CDIP1: variants seen among roughly 807,000 people sequenced by gnomAD.
CDIP1 encodes cell death inducing p53 target 1.
A neutral mutation model predicts 17.7 loss-of-function variants in CDIP1; 9 were observed. That is an observed-to-expected ratio of 0.51 (90% CI 0.31 to 0.89). The LOEUF is 0.89. CDIP1 is among the 40% of genes least tolerant of loss of function. The probability of loss-of-function intolerance (pLI) is 0.05; values close to 1 mark genes in which losing one functional copy is unlikely to be tolerated. For synonymous variants in CDIP1, 117 were observed against 109.5 expected (o/e 1.07, Z -0.43); for missense variants, 263 against 277.9 (o/e 0.95, Z 0.38).
At chr16:4,529,012 C>A (rs970466968) in intron 1 of CDIP1, among the ~76,000 whole-genome samples, 4 of 151,880 alleles carry the variant, frequency 2.6e-5, no homozygotes, top group Admixed American at 6.6e-5. Flanking sequence ...ATATACTACT[C>A]CTCATACTCC....
intron 1 of CDIP1, among the ~76,000 whole-genome samples, chr16:4,537,816 G>T (rs1300654205): frequency 6.6e-6 from 1 of 152,218 alleles, no homozygotes; most frequent in Non-Finnish European, 1.5e-5. Context: ...AACACCTGTT[G>T]AGAAGCCCCC....
chr16:4,522,946 G>A (rs767169587), intron 1 of CDIP1, among the ~76,000 whole-genome samples: 8 of 152,204 alleles, frequency 5.3e-5, no homozygotes, highest in Non-Finnish European at 1.0e-4. Flanking sequence ...AGGGCGGTGT[G>A]AGAATTAAGT....
At chr16:4,517,405 G>A (rs2058899447) in intron 1 of CDIP1, among the ~76,000 whole-genome samples, 1 of 152,134 alleles carries the variant, frequency 6.6e-6, no homozygotes, top group South Asian at 2.1e-4. Flanking sequence ...CCACCCTCCT[G>A]CCTGCACAGT....
intron 1 of CDIP1, among the ~76,000 whole-genome samples, chr16:4,518,099 T>C (rs893583162): frequency 4.6e-5 from 7 of 152,128 alleles, no homozygotes; most frequent in African/African-American, 1.7e-4. Flanking sequence ...AGCTGCACTG[T>C]GCTTGGTGAG....
intron 1 of CDIP1, among the ~76,000 whole-genome samples, chr16:4,534,570 C>G (rs2059087264): frequency 6.6e-6 from 1 of 152,186 alleles, no homozygotes; most frequent in Admixed American, 6.5e-5. Flanking sequence ...CTGGCCAAGT[C>G]CCACTGTGCT....
chr16:4,527,633 C>G (rs2059013597), intron 1 of CDIP1, among the ~76,000 whole-genome samples: 1 of 152,196 alleles, frequency 6.6e-6, no homozygotes, highest in African/African-American at 2.4e-5. Context: ...TACCTGTACA[C>G]TCTTATGGAC....
At chr16:4,530,581 G>A (rs1284538843) in intron 1 of CDIP1, among the ~76,000 whole-genome samples, 2 of 151,964 alleles carry the variant, frequency 1.3e-5, no homozygotes, top group African/African-American at 2.4e-5. Context: ...CCCACGAGGT[G>A]GAGCTTGCAG....
rs1442143532 is a variant in CDIP1 at position 4,511,576 on chromosome 16, TGTGAGCAGGCACAGCAACA to T, written c.*977_*995del. 1 of 152,284 alleles carries T rather than the reference TGTGAGCAGGCACAGCAACA, an allele frequency of 6.6e-6. No homozygotes were observed. Among genetic ancestry groups the T allele is most frequent in the African/African-American group, 2.4e-5 (1 of 41,406 alleles). The allele number at this position is 152,284 out of a possible 1,614,324, so 9.4% of individuals were successfully genotyped here. A position where few individuals can be genotyped will look rare whatever the true frequency, so the allele number is the denominator to read the frequency against. Reference sequence around the variant, plus strand: ...AGCCCAGTGTGCCTGCAGGAGCAGGTGTGAGCAGGCACAGCAACAGCCTGTCAGCTGGGGTGAGGGGCCC... The same window carrying T: ...AGCCCAGTGTGCCTGCAGGAGCAGGTGCCTGTCAGCTGGGGTGAGGGGCCC... On this transcript the variant is annotated 3_prime_UTR_variant, in exon 6 of 6. Coordinates refer to ENST00000567695, the MANE Select transcript of CDIP1 (RefSeq NM_013399.3).
chr16:4,513,193 CCCT>C lies in CDIP1; in HGVS notation c.242-132_242-130del. 1 of 977,294 alleles carries C rather than the reference CCCT, an allele frequency of 1.0e-6. No homozygotes were observed. Among genetic ancestry groups the C allele is most frequent in the Non-Finnish European group, 1.5e-6 (1 of 681,730 alleles). 60.5% of individuals were successfully genotyped at this position (977,294 alleles called of 1,614,324 possible). A position where few individuals can be genotyped will look rare whatever the true frequency, so the allele number is the denominator to read the frequency against. On this transcript the variant is annotated intron_variant, in intron 4 of 5. Coordinates refer to ENST00000567695, the MANE Select transcript of CDIP1 (RefSeq NM_013399.3). The surrounding 1 kb of genome is among the most constrained non-coding windows in gnomAD (Gnocchi z 4.1). ...AGGCTACGCCTCAGACCTCCTACCGCCCTCCTAACGGGCCAGTGGGAGGCCTTA... is the reference window on the plus strand; with the variant it reads ...AGGCTACGCCTCAGACCTCCTACCGCCCTAACGGGCCAGTGGGAGGCCTTA...
At chr16:4,523,930 C>A (rs952951531) in intron 1 of CDIP1, 1 of 152,278 alleles carries the variant, frequency 6.6e-6, no homozygotes, top group Admixed American at 6.5e-5. Flanking sequence ...ATGACAAGGC[C>A]AGCTGGACAG....
intron 1 of CDIP1, among the ~76,000 whole-genome samples, chr16:4,516,141 A>C (rs1445191044): frequency 6.6e-6 from 1 of 152,210 alleles, no homozygotes; most frequent in African/African-American, 2.4e-5. Context: ...CTCTGAAAAC[A>C]TGCTTGGTGA....
At chr16:4,519,529 C>T (rs998359636) in intron 1 of CDIP1, among the ~76,000 whole-genome samples, 1 of 152,218 alleles carries the variant, frequency 6.6e-6, no homozygotes, top group Non-Finnish European at 1.5e-5. Context: ...GTGCCTCTCC[C>T]CGCGGCCCTT....
intron 1 of CDIP1, among the ~76,000 whole-genome samples, chr16:4,536,977 C>A (rs748899160): frequency 3.2e-4 from 48 of 152,222 alleles, no homozygotes; most frequent in Middle Eastern, 3.4e-3. Flanking sequence ...AAAGCTCTTC[C>A]CTGGTTCTCC....
rs147371713 is a variant in CDIP1, at chr16:4,535,219, A to G, written c.-105+3483T>C. ...TTCAGACTTAATTAGCATTGATTGA[A>G]CAATTACATCTCAGGAAGACCCTCA... is the stretch of plus-strand genomic sequence containing the variant. On this transcript the variant is annotated intron_variant, in intron 1 of 5. Coordinates refer to ENST00000567695, the MANE Select transcript of CDIP1 (RefSeq NM_013399.3). 4.3e-3 allele frequency among the ~76,000 whole-genome samples: 652 copies of G among 152,226 alleles called. 3 individuals are homozygous for G. The highest frequency in any genetic ancestry group is 7.0e-3 in the Non-Finnish European group (478 of 68,006).
chr16:4,533,045 GA>G (rs1433300862), intron 1 of CDIP1: 1 of 152,184 alleles, frequency 6.6e-6, no homozygotes, highest in African/African-American at 2.4e-5. Context: ...ACCCTCCATG[GA>G]GGTCACTCAC....
rs540675095 is a variant in CDIP1 at position 4,515,973 on chromosome 16, C to G, written c.-104-1309G>C. 3.3e-5 allele frequency among the ~76,000 whole-genome samples: 5 copies of G among 152,278 alleles called. No individual in the cohort carries two copies. In the South Asian group the frequency reaches 1.0e-3, roughly 32 times the overall value. On this transcript the variant is annotated intron_variant, in intron 1 of 5. Coordinates refer to ENST00000567695, the MANE Select transcript of CDIP1 (RefSeq NM_013399.3). Reference sequence around the variant, plus strand: ...AAACCTGTCTACACAGAAATTTGTACACAAATGTTCACAGCAGCATGAATC... The same window carrying G: ...AAACCTGTCTACACAGAAATTTGTAGACAAATGTTCACAGCAGCATGAATC...
chr16:4,527,429 G>C (rs1386934950), intron 1 of CDIP1, among the ~76,000 whole-genome samples: 1 of 152,118 alleles, frequency 6.6e-6, no homozygotes, highest in Non-Finnish European at 1.5e-5. Context: ...AAGGCAGACA[G>C]GACTCAAAGA....
rs547402987 is a variant in CDIP1 at position 4,513,924 on chromosome 16, T to G, written c.86-73A>C. The G allele has an allele frequency of 2.7e-4, 385 of 1,449,686 alleles. No individual in the cohort carries two copies. Among genetic ancestry groups the G allele is most frequent in the South Asian group, 4.1e-4 (30 of 73,716 alleles). The allele number at this position is 1,449,686 out of a possible 1,614,324, so 89.8% of individuals were successfully genotyped here. On this transcript the variant is annotated intron_variant, in intron 3 of 5. Transcript: ENST00000567695. This position sits in a 1 kb window ranked among gnomAD's most constrained non-coding sequence, Gnocchi z 4.1. ...CGATGAGCTCGACCAGAGGCCACTG[T>G]TTTGGGACACAGATGGGGCCCAGGG...
At chr16:4,533,852 C>T (rs1021159892) in intron 1 of CDIP1, among the ~76,000 whole-genome samples, 13 of 152,144 alleles carry the variant, frequency 8.5e-5, no homozygotes, top group African/African-American at 3.1e-4. Context: ...TCCTGGGACT[C>T]TCCCACTTGT....
Sources: gnomAD v4.1 joint callset for allele counts (sites outside exome capture counted in the v4.1 genomes callset) on GRCh38, gnomAD v4.1.1 for gene constraint, Gnocchi (gnomAD v3.1) non-coding constraint, MANE v1.5 for transcripts, NCBI Gene and HGNC (gene_info 2026-07-23, HGNC 2026-07-21) for gene names.